Variants in GRM5 observed in about 807,000 individuals in gnomAD.
GRM5 encodes the protein glutamate metabotropic receptor 5.
Under a neutral mutation model 83.1 loss-of-function variants are expected in GRM5, and 19 were observed. That is an observed-to-expected ratio of 0.23 (90% CI 0.16 to 0.34). The LOEUF is 0.34. Among genes scored for constraint, GRM5 ranks in the 10% least tolerant of loss-of-function variants. The pLI is 1.00. For missense variants in GRM5, 1,160 were observed against 1,588.3 expected (o/e 0.73, Z 4.58); for synonymous variants, 675 against 633.6 (o/e 1.07, Z -0.98).
At position 88,504,694 on chromosome 11, in the gene GRM5, T is replaced by C. The variant is rs556120841; in HGVS notation, c.*3898A>G. 6.6e-6 allele frequency: 1 copy of C among 152,198 alleles called. No individual in the cohort carries two copies. Among genetic ancestry groups the C allele is most frequent in the African/African-American group, 2.4e-5 (1 of 41,534 alleles). The allele number at this position is 152,198 out of a possible 1,614,324, so 9.4% of individuals were successfully genotyped here. A position where few individuals can be genotyped will look rare whatever the true frequency, so the allele number is the denominator to read the frequency against. On this transcript the variant is annotated 3_prime_UTR_variant, in exon 10 of 10. Coordinates refer to ENST00000305447, the MANE Select transcript of GRM5 (RefSeq NM_001143831.3). ...TATTTTGAAGTGCTAAAATAAAACA[T>C]ATTTATACAAGTACAAAGCAAAACA...
chr11:88,793,990 T>A (rs1257507768), intron 3 of GRM5, among the ~76,000 whole-genome samples: 1 of 152,122 alleles, frequency 6.6e-6, no homozygotes, highest in Admixed American at 6.5e-5. Context: ...CCACTATGCC[T>A]GGCTAATTTT....
At chr11:88,966,588 G>A (rs541794988) in intron 2 of GRM5, among the ~76,000 whole-genome samples, 1 of 152,172 alleles carries the variant, frequency 6.6e-6, no homozygotes, top group South Asian at 2.1e-4. Flanking sequence ...CAAGTCAGAT[G>A]GACATTTTAG....
intron 4 of GRM5, among the ~76,000 whole-genome samples, chr11:88,627,128 A>G (rs1012752344): frequency 6.6e-6 from 1 of 152,226 alleles, no homozygotes; most frequent in Non-Finnish European, 1.5e-5. Context: ...CAAATTTACA[A>G]CTGAAGAAAG....
intron 2 of GRM5, among the ~76,000 whole-genome samples, chr11:88,946,659 A>G (rs555087615): frequency 1.3e-5 from 2 of 152,274 alleles, no homozygotes; most frequent in African/African-American, 2.4e-5. Flanking sequence ...ACAGAGGACT[A>G]CTAGAGTAGG....
intron 4 of GRM5, among the ~76,000 whole-genome samples, chr11:88,651,822 G>T (rs1026604672): frequency 1.3e-5 from 2 of 151,966 alleles, no homozygotes; most frequent in African/African-American, 4.8e-5. Flanking sequence ...ATATGAGATT[G>T]CTGGGTTCTT....
intron 5 of GRM5, among the ~76,000 whole-genome samples, chr11:88,602,101 G>A (rs1396377034): frequency 2.7e-5 from 4 of 150,774 alleles, no homozygotes; most frequent in African/African-American, 9.8e-5. Context: ...TAACTCACTT[G>A]GCAGCAAAAC....
intron 3 of GRM5, among the ~76,000 whole-genome samples, chr11:88,828,941 G>A (rs1943938587): frequency 6.6e-6 from 1 of 151,572 alleles, no homozygotes; most frequent in Admixed American, 6.6e-5. Context: ...GTAAAAATAG[G>A]AATTAAATGT....
intron 3 of GRM5, among the ~76,000 whole-genome samples, chr11:88,786,317 T>C (rs908812784): frequency 5.3e-5 from 8 of 152,114 alleles, no homozygotes; most frequent in African/African-American, 1.9e-4. Context: ...CATTGCTCCC[T>C]TGCACCACCC....
chr11:88,875,615 A>G (rs1054163335), intron 2 of GRM5, among the ~76,000 whole-genome samples: 6 of 152,094 alleles, frequency 3.9e-5, no homozygotes, highest in African/African-American at 1.2e-4. Context: ...AAGAATCACA[A>G]TCTGTGGCAG....
At chr11:88,584,235 CACAT>C (rs201567998) in intron 7 of GRM5, among the ~76,000 whole-genome samples, 30 of 151,472 alleles carry the variant, frequency 2.0e-4, no homozygotes, top group African/African-American at 7.0e-4. Context: ...CACACACACA[CACAT>C]GCTAAAGCTA....
At chr11:88,663,878 G>GACAGGCTT (rs1203430985) in intron 3 of GRM5, among the ~76,000 whole-genome samples, 1 of 152,136 alleles carries the variant, frequency 6.6e-6, no homozygotes, top group Non-Finnish European at 1.5e-5. Flanking sequence ...TAAGCAATAA[G>GACAGGCTT]ACAGGCTTCA....
At chr11:88,985,692 T>G (rs986084356) in intron 2 of GRM5, among the ~76,000 whole-genome samples, 5 of 152,166 alleles carry the variant, frequency 3.3e-5, no homozygotes, top group Admixed American at 2.0e-4. Flanking sequence ...TTCAGAAGAT[T>G]TGCAATGTCA....
chr11:88,857,013 T>G (rs1437367017), intron 2 of GRM5, among the ~76,000 whole-genome samples: 1 of 152,140 alleles, frequency 6.6e-6, no homozygotes, highest in African/African-American at 2.4e-5. Flanking sequence ...AAGTTGTGCA[T>G]AGTTTTTCAT....
At chr11:88,877,539 C>T (rs1282063267) in intron 2 of GRM5, among the ~76,000 whole-genome samples, 1 of 151,686 alleles carries the variant, frequency 6.6e-6, no homozygotes, top group Non-Finnish European at 1.5e-5. Flanking sequence ...TCAACCTGGC[C>T]CAGTGGCTCA....
In GRM5 at chr11:88,581,533, T is replaced by C. The variant is rs78370617; in HGVS notation, c.1690+9068A>G. 7.2e-3 allele frequency among the ~76,000 whole-genome samples: 1,096 copies of C among 152,364 alleles called. 18 individuals carry two copies. The highest frequency in any genetic ancestry group is 0.025 in the African/African-American group (1,041 of 41,578). On this transcript the variant is annotated intron_variant, in intron 7 of 9. Transcript: ENST00000305447. Reference sequence around the variant, plus strand: ...AAAGATGAATTGTTGCAGATTGGTATTTTATGCAGCACAAATTCTCAGCTG... The same window carrying C: ...AAAGATGAATTGTTGCAGATTGGTACTTTATGCAGCACAAATTCTCAGCTG...
intron 2 of GRM5, among the ~76,000 whole-genome samples, chr11:88,990,557 C>A (rs1242528141): frequency 1.3e-5 from 2 of 150,028 alleles, no homozygotes; most frequent in African/African-American, 2.5e-5. Context: ...GAGACACAAC[C>A]AAAAAAGAGA....
chr11:89,039,488 C>T (rs1437594847), intron 2 of GRM5, among the ~76,000 whole-genome samples: 1 of 151,954 alleles, frequency 6.6e-6, no homozygotes, highest in Non-Finnish European at 1.5e-5. Context: ...AACTAACTCA[C>T]TATCTCCTAA....
At chr11:88,908,574 T>C (rs1311305485) in intron 2 of GRM5, among the ~76,000 whole-genome samples, 1 of 152,190 alleles carries the variant, frequency 6.6e-6, no homozygotes, top group African/African-American at 2.4e-5. Flanking sequence ...AGGCTATTTT[T>C]TGCCTGTTTT....
intron 3 of GRM5, among the ~76,000 whole-genome samples, chr11:88,772,800 T>G (rs1278692360): frequency 6.6e-6 from 1 of 152,204 alleles, no homozygotes; most frequent in Non-Finnish European, 1.5e-5. Flanking sequence ...TATGGCTGCA[T>G]AGTATTCCAT....
Sources: allele counts gnomAD v4.1 joint callset (sites outside exome capture counted in the v4.1 genomes callset), GRCh38; gene constraint gnomAD v4.1.1; transcripts MANE v1.5; gene names NCBI Gene and HGNC (gene_info 2026-07-23, HGNC 2026-07-21).